RIPOR3: variants seen among roughly 807,000 people sequenced by gnomAD.
RIPOR3 encodes the protein family with sequence similarity 65 member C.
Under a neutral mutation model 114.3 loss-of-function variants are expected in RIPOR3, and 95 were observed. The ratio of observed to expected loss-of-function variants is 0.83; its 90% confidence interval spans 0.70 to 0.99. The LOEUF is 0.99. Ranked by LOEUF, RIPOR3 falls within the 50% of genes least tolerant of loss-of-function variation. The pLI is 0.00. For synonymous variants in RIPOR3, 575 were observed against 543.8 expected, an observed-to-expected ratio of 1.06 and a Z score of -0.80; for missense variants, 1,252 against 1,266.9, an observed-to-expected ratio of 0.99 and a Z score of 0.18.
chr20:50,589,908 T>C, intron 19 of RIPOR3, 139 bp from the exon 20 acceptor site: 1 of 701,528 alleles, frequency 1.4e-6, no homozygotes, highest in Non-Finnish European at 2.6e-6. Flanking sequence ...ACACGATCGG[T>C]CCATCTTTGG....
At chr20:50,669,564 G>T in intron 1 of RIPOR3, among the ~76,000 whole-genome samples, 2 of 152,316 alleles carry the variant, frequency 1.3e-5, no homozygotes, top group Middle Eastern at 6.8e-3. Context: ...GAGACAGTAG[G>T]TTTAGAAGTC....
At chr20:50,642,602 C>A (rs192793582) in intron 1 of RIPOR3, among the ~76,000 whole-genome samples, 3 of 151,720 alleles carry the variant, frequency 2.0e-5, no homozygotes, top group Middle Eastern at 3.2e-3. Flanking sequence ...CCCCCCTCCC[C>A]CCATGAGGCC....
chr20:50,659,324 C>G (rs889662021), intron 1 of RIPOR3, among the ~76,000 whole-genome samples: 1 of 151,934 alleles, frequency 6.6e-6, no homozygotes, highest in Non-Finnish European at 1.5e-5. Context: ...GAACCAGAAA[C>G]AAAACATCAG....
At chr20:50,664,628 A>G (rs1295418025) in intron 1 of RIPOR3, among the ~76,000 whole-genome samples, 4 of 152,106 alleles carry the variant, frequency 2.6e-5, no homozygotes, top group African/African-American at 4.8e-5. Context: ...AGAGCTGCGC[A>G]TTTTTATCTC....
At chr20:50,663,355 T>C (rs577049710) in intron 1 of RIPOR3, among the ~76,000 whole-genome samples, 101 of 152,322 alleles carry the variant, frequency 6.6e-4, no homozygotes, top group African/African-American at 2.2e-3. Flanking sequence ...TACCCTGTTC[T>C]GTTCGGCTTC....
chr20:50,628,926 C>T (rs1054764561), intron 2 of RIPOR3, among the ~76,000 whole-genome samples: 15 of 152,160 alleles, frequency 9.9e-5, no homozygotes, highest in African/African-American at 2.7e-4. Flanking sequence ...GTCCTATCCC[C>T]GCAGCAAATG....
At position 50,609,566 on chromosome 20, in the gene RIPOR3, G is replaced by A. The variant is rs770435019; in HGVS notation, c.576+7C>T. On this transcript the variant is annotated splice_region_variant and intron_variant, in intron 7 of 21. Coordinates refer to ENST00000327979, the MANE Select transcript of RIPOR3 (RefSeq NM_001290268.2). ...CCTGCTGCCCAGCCCAGCTTGGCCC[G>A]GCCCACCTCGGCGCACTCGTGCAGG... is the stretch of plus-strand genomic sequence containing the variant. The A allele has an allele frequency of 5.3e-4, 752 of 1,424,462 alleles. No individual in the cohort carries two copies. The highest frequency in any genetic ancestry group is 6.4e-4 in the Non-Finnish European group (704 of 1,093,332). 88.2% of individuals were successfully genotyped at this position (1,424,462 alleles called of 1,614,324 possible).
rs4811081 is a variant in RIPOR3 at position 50,598,456 on chromosome 20, A to G, written c.1660-746T>C. On this transcript the variant is annotated intron_variant, in intron 13 of 21. Coordinates refer to ENST00000327979, the MANE Select transcript of RIPOR3 (RefSeq NM_001290268.2). ...GTCCAACACAAACTGCAGCCAAGGC[A>G]CAGCCCAAGCAGAAGCCATAAAACC... is the stretch of plus-strand genomic sequence containing the variant. 3.6e-3 allele frequency among the ~76,000 whole-genome samples: 545 copies of G among 152,124 alleles called. 9 individuals are homozygous for G. Among genetic ancestry groups the G allele is most frequent in the East Asian group, 0.023 (116 of 5,148 alleles).
intron 11 of RIPOR3, among the ~76,000 whole-genome samples, chr20:50,606,985 C>T (rs564023566): frequency 5.3e-4 from 81 of 152,330 alleles, no homozygotes; most frequent in Non-Finnish European, 1.1e-3. Flanking sequence ...CCACCTACGC[C>T]TCTCAAAGTG....
intron 13 of RIPOR3, among the ~76,000 whole-genome samples, chr20:50,601,707 G>T (rs1026402902): frequency 1.3e-5 from 2 of 152,082 alleles, no homozygotes; most frequent in Non-Finnish European, 2.9e-5. Context: ...AGGCAAACAG[G>T]GAACTGTGTG....
chr20:50,641,317 C>T (rs1180585646), intron 1 of RIPOR3, among the ~76,000 whole-genome samples: 5 of 152,146 alleles, frequency 3.3e-5, no homozygotes, highest in Admixed American at 6.5e-5. Context: ...TGGGTTCAAG[C>T]GATCCTCCCA....
chr20:50,625,782 C>T (rs1167511635), intron 2 of RIPOR3, among the ~76,000 whole-genome samples: 2 of 152,126 alleles, frequency 1.3e-5, no homozygotes, highest in Non-Finnish European at 2.9e-5. Flanking sequence ...CTGGCCCTCT[C>T]CTCCTTCATC....
intron 4 of RIPOR3, among the ~76,000 whole-genome samples, chr20:50,612,271 C>T (rs1177382788): frequency 6.6e-6 from 1 of 152,058 alleles, no homozygotes; most frequent in Non-Finnish European, 1.5e-5. Context: ...TTAAATTCAT[C>T]AGGGTCAAAG....
In RIPOR3 at chr20:50,602,623, G is replaced by A. The variant is rs761466207; in HGVS notation, c.1108C>T (p.Gln370Ter). The change falls in exon 13 of 22, where the codon CAG (glutamine) becomes TAG (stop). Residue 370 changes from glutamine (Q) to a stop codon, truncating the protein, a stop_gained. Transcript: ENST00000327979. LOFTEE classifies it high-confidence loss of function. The surrounding 1 kb of genome is among the most constrained non-coding windows in gnomAD (Gnocchi z 4.3). ...GGGCCACCCAGCAGCAAGGCCTGCT[G>A]TGTTGGCTGCTGTAGGACAGACTGG... ...YYLSVLQQPT[Q>*]QALLLGGPRA... 2 of 1,507,954 alleles carry A rather than the reference G, an allele frequency of 1.3e-6. No individual in the cohort carries two copies. The highest frequency in any genetic ancestry group is 2.8e-5 in the African/African-American group (2 of 71,432). 93.4% of individuals were successfully genotyped at this position (1,507,954 alleles called of 1,614,324 possible). A position where few individuals can be genotyped will look rare whatever the true frequency, so the allele number is the denominator to read the frequency against.
intron 13 of RIPOR3, among the ~76,000 whole-genome samples, chr20:50,599,964 G>A (rs1034778853): frequency 6.6e-5 from 10 of 151,808 alleles, no homozygotes; most frequent in Non-Finnish European, 1.3e-4. Flanking sequence ...GCATTGGTGC[G>A]ATCTTGGCTC....
At chr20:50,603,662 C>T (rs2083585106) in intron 12 of RIPOR3, among the ~76,000 whole-genome samples, 1 of 152,198 alleles carries the variant, frequency 6.6e-6, no homozygotes, top group Non-Finnish European at 1.5e-5. Flanking sequence ...TCCCATTACC[C>T]TCACCACACC....
At chr20:50,596,100 C>A in intron 15 of RIPOR3, 40 bp downstream of exon 15, 1 of 1,613,264 alleles carries the variant, frequency 6.2e-7, no homozygotes, top group Non-Finnish European at 8.5e-7. Flanking sequence ...ACTCCAAACC[C>A]CTGTCTGCCC....
intron 16 of RIPOR3, 153 bp from the exon 17 acceptor site, chr20:50,594,867 C>G: frequency 1.2e-6 from 1 of 820,708 alleles, no homozygotes; most frequent in South Asian, 2.0e-5. Context: ...CCATGTGACA[C>G]GTGAGCAACT....
At chr20:50,648,331 TAAAA>T (rs60117235) in intron 1 of RIPOR3, among the ~76,000 whole-genome samples, 1 of 136,718 alleles carries the variant, frequency 7.3e-6, no homozygotes. Flanking sequence ...GGGGCTGCTG[TAAAA>T]AAAAAAAAAA....
Sources: gnomAD v4.1 joint callset for allele counts (sites outside exome capture counted in the v4.1 genomes callset) on GRCh38, gnomAD v4.1.1 for gene constraint, Gnocchi (gnomAD v3.1) non-coding constraint, MANE v1.5 for transcripts, NCBI Gene and HGNC (gene_info 2026-07-23, HGNC 2026-07-21) for gene names.